TTLL9: variants seen among roughly 807,000 people sequenced by gnomAD.
The protein encoded by TTLL9 is tubulin tyrosine ligase like 9.
TTLL9 carries 47 observed loss-of-function variants against 65.6 expected under a neutral mutation model. The ratio of observed to expected loss-of-function variants is 0.72; its 90% confidence interval spans 0.57 to 0.91. TTLL9 has a LOEUF of 0.91. Ranked by LOEUF, TTLL9 falls within the 40% of genes least tolerant of loss-of-function variation. The pLI is 0.00. For missense variants in TTLL9, 537 were observed against 568.8 expected (o/e 0.94, Z 0.57); for synonymous variants, 179 against 204.8 (o/e 0.87, Z 1.07).
At chr20:31,930,484 C>T (rs1014965332) in intron 10 of TTLL9, among the ~76,000 whole-genome samples, 8 of 152,176 alleles carry the variant, frequency 5.3e-5, no homozygotes, top group Non-Finnish European at 7.3e-5. Flanking sequence ...GTCCTACCAG[C>T]TTTATTTTCT....
intron 2 of TTLL9, among the ~76,000 whole-genome samples, chr20:31,876,818 T>C (rs1479446613): frequency 1.3e-5 from 2 of 152,328 alleles, no homozygotes; most frequent in East Asian, 1.9e-4. Flanking sequence ...ATGAAAAACA[T>C]TGACATATTT....
At chr20:31,927,783 C>T (rs553937474) in intron 10 of TTLL9, among the ~76,000 whole-genome samples, 3 of 152,332 alleles carry the variant, frequency 2.0e-5, no homozygotes, top group African/African-American at 7.2e-5. Flanking sequence ...CGCTCCCCAG[C>T]TTCGGGTGTG....
chr20:31,926,317 C>G (rs1483710099), intron 10 of TTLL9, among the ~76,000 whole-genome samples: 1 of 152,192 alleles, frequency 6.6e-6, no homozygotes, highest in African/African-American at 2.4e-5. Flanking sequence ...TTCTTCAGTG[C>G]CTAGTCATTG....
At chr20:31,882,613 A>G (rs773045702) in intron 2 of TTLL9, among the ~76,000 whole-genome samples, 65 of 152,306 alleles carry the variant, frequency 4.3e-4, no homozygotes, top group Non-Finnish European at 1.9e-4. Context: ...CATTTTCTCA[A>G]TAAGATAATT....
At chr20:31,893,872 T>C (rs536844752) in intron 3 of TTLL9, among the ~76,000 whole-genome samples, 3 of 152,242 alleles carry the variant, frequency 2.0e-5, no homozygotes, top group Admixed American at 6.5e-5. Flanking sequence ...CATCTCTTTC[T>C]TGAACTTCAG....
At position 31,943,403 on chromosome 20, in the gene TTLL9, G is replaced by T; in HGVS notation, c.*382G>T. On this transcript the variant is annotated 3_prime_UTR_variant, in exon 15 of 15. Coordinates refer to ENST00000535842, the MANE Select transcript of TTLL9 (RefSeq NM_001008409.5). ...AGGCCTGGTTCCGGGGATACTGTTGGCTGCAGCCAAGTCCTCCTGGCTTTG... is the reference window on the plus strand; with the variant it reads ...AGGCCTGGTTCCGGGGATACTGTTGTCTGCAGCCAAGTCCTCCTGGCTTTG... 1 of 328,856 alleles carries T rather than the reference G, an allele frequency of 3.0e-6. No individual in the cohort carries two copies. The highest frequency in any genetic ancestry group is 2.9e-5 in the South Asian group (1 of 34,998). The allele number at this position is 328,856 out of a possible 1,614,324, so 20.4% of individuals were successfully genotyped here. A position where few individuals can be genotyped will look rare whatever the true frequency, so the allele number is the denominator to read the frequency against.
Position 31,933,839 on chromosome 20 carries a change from C to A in TTLL9, c.788C>A (p.Pro263His), listed in dbSNP as rs772450485. ...LTNVAVQKTS[P>H]DYHPKKGCKW... ...AACGTGGCTGTGCAAAAAACATCTC[C>A]CGACTACCACCCAAAGAAGGTGAGG... The change falls in exon 11 of 15, where the codon CCC becomes CAC. Residue 263 changes from proline to histidine, a missense_variant. Pro to His is a moderately conservative substitution (Grantham distance 77, BLOSUM62 -2). Coordinates refer to ENST00000535842, the MANE Select transcript of TTLL9 (RefSeq NM_001008409.5). The A allele has an allele frequency of 3.7e-6, 6 of 1,613,978 alleles. No homozygotes were observed. Among genetic ancestry groups the A allele is most frequent in the Non-Finnish European group, 5.1e-6 (6 of 1,179,966 alleles).
chr20:31,909,625 T>G, intron 5 of TTLL9, 112 bp from the exon 6 acceptor site: 1 of 922,594 alleles, frequency 1.1e-6, no homozygotes, highest in Non-Finnish European at 1.6e-6. Context: ...ACTGTTGCTA[T>G]TTTGTGGGCC....
intron 2 of TTLL9, chr20:31,880,004 T>TG: frequency 7.4e-5 from 1 of 13,602 alleles, no homozygotes; most frequent in Non-Finnish European, 2.0e-4. Flanking sequence ...GCGGAATGGG[T>TG]AGGGGTGGGG....
At chr20:31,917,204 T>G (rs1403834720) in intron 6 of TTLL9, among the ~76,000 whole-genome samples, 1 of 152,124 alleles carries the variant, frequency 6.6e-6, no homozygotes, top group African/African-American at 2.4e-5. Flanking sequence ...TTCCCTACCC[T>G]CAGCAGCCCT....
rs2064243033 is a variant in TTLL9 at position 31,943,026 on chromosome 20, C to T, written c.*5C>T. The T allele has an allele frequency of 6.2e-7, 1 of 1,613,774 alleles. No homozygotes were observed. On this transcript the variant is annotated 3_prime_UTR_variant, in exon 15 of 15. Transcript: ENST00000535842. ...CAGAAGAAAGCTTCCAGTTGATCCCCAGCTGCCAGGAGGAAATCAGCCTTA... is the reference window on the plus strand; with the variant it reads ...CAGAAGAAAGCTTCCAGTTGATCCCTAGCTGCCAGGAGGAAATCAGCCTTA...
At chr20:31,929,805 G>A (rs1457933160) in intron 10 of TTLL9, among the ~76,000 whole-genome samples, 2 of 152,146 alleles carry the variant, frequency 1.3e-5, no homozygotes, top group Non-Finnish European at 2.9e-5. Context: ...AGCCCATCTG[G>A]CCAGATTGCT....
In TTLL9 at chr20:31,870,828, C is replaced by T; in HGVS notation, c.-127C>T. ...CCCTTCCGGCTCTGCCTGGACGTCC[C>T]TGCGGGCCCCGGGGGAAAGCACCCA... On this transcript the variant is annotated 5_prime_UTR_variant, in exon 1 of 15. Coordinates refer to ENST00000535842, the MANE Select transcript of TTLL9 (RefSeq NM_001008409.5). This position sits in a 1 kb window ranked among gnomAD's most constrained non-coding sequence, Gnocchi z 6.6. 1 of 536,326 alleles carries T rather than the reference C, an allele frequency of 1.9e-6. No homozygotes were observed. Among genetic ancestry groups the T allele is most frequent in the Non-Finnish European group, 3.3e-6 (1 of 307,150 alleles). 33.2% of individuals were successfully genotyped at this position (536,326 alleles called of 1,614,324 possible).
chr20:31,925,071 C>T, intron 9 of TTLL9, 22 bp downstream of exon 9: 1 of 1,613,664 alleles, frequency 6.2e-7, no homozygotes. Context: ...AGGTGGGGGC[C>T]CTCCTCCAGC....
At chr20:31,929,972 A>C (rs2063977784) in intron 10 of TTLL9, among the ~76,000 whole-genome samples, 1 of 152,082 alleles carries the variant, frequency 6.6e-6, no homozygotes, top group African/African-American at 2.4e-5. Flanking sequence ...TACTAAAAAT[A>C]CAAAAATTAG....
At chr20:31,940,750 C>T (rs2123653664) in intron 14 of TTLL9, 1 of 152,270 alleles carries the variant, frequency 6.6e-6, no homozygotes, top group South Asian at 2.1e-4. Context: ...TTCCATGTGG[C>T]CACTCGTCTT....
chr20:31,933,765 G>T, intron 10 of TTLL9, 35 bp from the exon 11 acceptor site: 1 of 1,606,168 alleles, frequency 6.2e-7, no homozygotes, highest in Non-Finnish European at 8.5e-7. Flanking sequence ...CACCCTTTTT[G>T]TTCACGCTGA....
chr20:31,936,831 C>T (rs1355372458), intron 12 of TTLL9, among the ~76,000 whole-genome samples: 1 of 152,208 alleles, frequency 6.6e-6, no homozygotes, highest in Non-Finnish European at 1.5e-5. Flanking sequence ...AAAGGTGGCT[C>T]ATGCCTGTAA....
chr20:31,897,117 A>T (rs1007982384), intron 3 of TTLL9, among the ~76,000 whole-genome samples: 5 of 152,024 alleles, frequency 3.3e-5, no homozygotes, highest in African/African-American at 1.2e-4. Flanking sequence ...ATCCTTCTTC[A>T]AATATTTGGG....
Sources: allele counts gnomAD v4.1 joint callset (sites outside exome capture counted in the v4.1 genomes callset), GRCh38; gene constraint gnomAD v4.1.1; non-coding constraint Gnocchi (gnomAD v3.1); transcripts MANE v1.5; gene names NCBI Gene and HGNC (gene_info 2026-07-23, HGNC 2026-07-21).